MYO9B: variants seen among roughly 807,000 people sequenced by gnomAD.
The protein encoded by MYO9B is myosin IXB.
MYO9B carries 71 observed loss-of-function variants against 229.5 expected under a neutral mutation model. The observed-to-expected ratio is 0.31, with a 90% CI of 0.26 to 0.38. The LOEUF (loss-of-function observed/expected upper bound fraction) is 0.38. MYO9B is among the 10% of genes least tolerant of loss of function. The probability of loss-of-function intolerance (pLI) is 1.00; values close to 1 mark genes in which losing one functional copy is unlikely to be tolerated. For missense variants in MYO9B, 2,255 were observed against 2,920.5 expected (o/e 0.77, Z 5.25); for synonymous variants, 1,185 against 1,235.8 (o/e 0.96, Z 0.86).
At chr19:17,105,419 C>T (rs1348268634) in intron 2 of MYO9B, among the ~76,000 whole-genome samples, 7 of 151,862 alleles carry the variant, frequency 4.6e-5, no homozygotes, top group Admixed American at 6.6e-5. Context: ...CGCTTGAGCC[C>T]GGGAGGTTGA....
rs201326093 is a variant in MYO9B at position 17,198,159 on chromosome 19, A to G, written c.4114-25A>G. On this transcript the variant is annotated intron_variant, in intron 23 of 39. Transcript: ENST00000682292. ...ACAGGACTGCCAGCCTTTCCTTAGC[A>G]GCCCCCCACTGCACCGTCTTGCAGC... 243 of 1,612,854 alleles carry G rather than the reference A, an allele frequency of 1.5e-4. 1 individual carries two copies. The highest frequency in any genetic ancestry group is 2.0e-4 in the Non-Finnish European group (235 of 1,179,588).
chr19:17,191,437 C>T (rs574148394), intron 20 of MYO9B, among the ~76,000 whole-genome samples: 3 of 152,288 alleles, frequency 2.0e-5, no homozygotes, highest in South Asian at 2.1e-4. Context: ...CGACTCCCTC[C>T]GCGTCACCTG....
rs2072900648 is a variant in MYO9B, at chr19:17,184,904, A to G, written c.2413A>G (p.Met805Val). The change falls in exon 17 of 40, where the codon ATG becomes GTG. Residue 805 changes from methionine to valine, a missense_variant. Coordinates refer to ENST00000682292, the MANE Select transcript of MYO9B (RefSeq NM_004145.4). The stretch of plus-strand genomic sequence containing the variant: ...CAAGTCCCTGAAACTCATCATCAGC[A>G]TGACTCTGCACGACCGCACCACCAA... ...DSKSLKLIIS[M>V]TLHDRTTKSL... 2 of 1,613,808 alleles carry G rather than the reference A, an allele frequency of 1.2e-6. No individual in the cohort carries two copies. Among genetic ancestry groups the G allele is most frequent in the East Asian group, 4.5e-5 (2 of 44,870 alleles).
At chr19:17,196,756 T>C (rs895395739) in intron 22 of MYO9B, among the ~76,000 whole-genome samples, 1 of 149,548 alleles carries the variant, frequency 6.7e-6, no homozygotes, top group African/African-American at 2.5e-5. Context: ...GGAAGGAAGA[T>C]AGGTAGGTAG....
rs780961134 is a variant in MYO9B, at chr19:17,191,124, C to T, written c.2716C>T (p.Leu906=). Residue 906 remains leucine, a synonymous_variant, in exon 20 of 40, where the codon CTG becomes TTG. Coordinates refer to ENST00000682292, the MANE Select transcript of MYO9B (RefSeq NM_004145.4). ...TTTCACCGAGCAGTTCCAGGTGCTC[C>T]TGCCCAAGGATGCCCAGCCCTGCAG... ...QDFTEQFQVL[L]PKDAQPCREV... 6.2e-7 allele frequency: 1 copy of T among 1,612,846 alleles called. No homozygotes were observed. The highest frequency in any genetic ancestry group is 8.5e-7 in the Non-Finnish European group (1 of 1,179,388).
intron 2 of MYO9B, among the ~76,000 whole-genome samples, chr19:17,122,921 C>T (rs1433814833): frequency 6.6e-6 from 1 of 152,148 alleles, no homozygotes; most frequent in Non-Finnish European, 1.5e-5. Context: ...CAAAGCAAAA[C>T]CCTGTCTCTA....
At chr19:17,169,196 G>C (rs910073753) in intron 11 of MYO9B, among the ~76,000 whole-genome samples, 6 of 151,238 alleles carry the variant, frequency 4.0e-5, no homozygotes, top group African/African-American at 1.5e-4. Context: ...ACATGGTGAA[G>C]CCCCGTCTCT....
chr19:17,183,771 C>A, intron 15 of MYO9B, 58 bp from the exon 16 acceptor site: 1 of 1,474,618 alleles, frequency 6.8e-7, no homozygotes, highest in Non-Finnish European at 9.2e-7. Context: ...GCTGAACTAA[C>A]CCAAATCCCG....
chr19:17,176,690 G>A (rs939668669), intron 14 of MYO9B, among the ~76,000 whole-genome samples: 15 of 152,146 alleles, frequency 9.9e-5, no homozygotes, highest in African/African-American at 2.2e-4. Context: ...CCCAAGCATC[G>A]ATGGTGGTGC....
At chr19:17,086,618 G>A (rs1031265227) in intron 1 of MYO9B, among the ~76,000 whole-genome samples, 2 of 152,150 alleles carry the variant, frequency 1.3e-5, no homozygotes, top group Non-Finnish European at 2.9e-5. Flanking sequence ...AATGGCTCAC[G>A]CCTGTAATTC....
At chr19:17,116,230 C>A (rs2057902264) in intron 2 of MYO9B, among the ~76,000 whole-genome samples, 1 of 152,186 alleles carries the variant, frequency 6.6e-6, no homozygotes, top group South Asian at 2.1e-4. Flanking sequence ...GCCAGGGACT[C>A]AGTGGGAAGA....
At chr19:17,075,922 C>G (rs1315084854) in intron 1 of MYO9B, 48 bp downstream of exon 1, 2 of 151,954 alleles carry the variant, frequency 1.3e-5, no homozygotes, top group African/African-American at 2.4e-5. Flanking sequence ...CGAAGCCTGC[C>G]TTTGGGGGCT....
intron 2 of MYO9B, among the ~76,000 whole-genome samples, chr19:17,134,455 G>A (rs906785475): frequency 3.2e-5 from 4 of 126,112 alleles, no homozygotes; most frequent in Non-Finnish European, 4.7e-5. Context: ...GCAGTGGTGC[G>A]ATCTCAGCTC....
In MYO9B at chr19:17,191,191, A is replaced by G; in HGVS notation, c.2783A>G (p.Lys928Arg). 6.2e-7 allele frequency: 1 copy of G among 1,612,348 alleles called. No homozygotes were observed. Among genetic ancestry groups the G allele is most frequent in the Non-Finnish European group, 8.5e-7 (1 of 1,179,202 alleles). Residue 928 changes from lysine (K) to arginine (R), a missense_variant, in exon 20 of 40, where the codon AAG (lysine) becomes AGG (arginine). Lys to Arg is a conservative substitution (Grantham distance 26). Transcript: ENST00000682292. ...STLLEKMKID[K>R]RNYQIGKTKV... ...CTCCTGGAGAAAATGAAGATAGACA[A>G]GAGGAACTACCAGATCGGGAAGACC...
At chr19:17,157,860 G>T (rs1261869299) in intron 7 of MYO9B, 1 of 152,210 alleles carries the variant, frequency 6.6e-6, no homozygotes, top group African/African-American at 2.4e-5. Context: ...CAGCCTGGGT[G>T]AGTGACAGAG....
At chr19:17,119,862 A>G (rs1837227477) in intron 2 of MYO9B, among the ~76,000 whole-genome samples, 1 of 151,964 alleles carries the variant, frequency 6.6e-6, no homozygotes, top group African/African-American at 2.4e-5. Flanking sequence ...GTTAGTCAGG[A>G]TGGTCTCGAT....
intron 2 of MYO9B, among the ~76,000 whole-genome samples, chr19:17,140,162 A>G (rs2072320492): frequency 1.3e-5 from 2 of 152,196 alleles, no homozygotes; most frequent in Admixed American, 1.3e-4. Flanking sequence ...GACCACCGTC[A>G]TATATGTGGT....
chr19:17,188,205 G>T (rs2145430900), intron 19 of MYO9B, among the ~76,000 whole-genome samples, 160 bp downstream of exon 19: 1 of 152,038 alleles, frequency 6.6e-6, no homozygotes, highest in East Asian at 1.9e-4. Flanking sequence ...GAGGCAGGCG[G>T]ATCACCTGAG....
rs147277896 is a variant in MYO9B, at chr19:17,094,420, G to A, written c.-58-7240G>A. Among the ~76,000 whole-genome samples, 128 of 152,162 alleles carry A rather than the reference G, an allele frequency of 8.4e-4. No homozygotes were observed. The East Asian group carries it at 0.021, about 25-fold the overall frequency. ...TTACTCAGTGTGCCAACAGCCATGA[G>A]CCCACCACCACGACCAATGCCATAA... On this transcript the variant is annotated intron_variant, in intron 1 of 39. Coordinates refer to ENST00000682292, the MANE Select transcript of MYO9B (RefSeq NM_004145.4).
Sources: allele counts gnomAD v4.1 joint callset (sites outside exome capture counted in the v4.1 genomes callset), GRCh38; gene constraint gnomAD v4.1.1; transcripts MANE v1.5; gene names NCBI Gene and HGNC (gene_info 2026-07-23, HGNC 2026-07-21).